The following ADAMTS5 variants were observed in gnomAD, a reference collection of about 807,000 sequenced individuals.
ADAMTS5 encodes A disintegrin and metalloproteinase with thrombospondin motifs 5.
A neutral mutation model predicts 81.4 loss-of-function variants in ADAMTS5; 54 were observed. The ratio of observed to expected loss-of-function variants is 0.66; its 90% CI spans 0.53 to 0.83. The LOEUF is 0.83. ADAMTS5 is among the 40% of genes least tolerant of loss of function. ADAMTS5 has a pLI of 0.00. For missense variants in ADAMTS5, 1,194 were observed against 1,229.9 expected (o/e 0.97, Z 0.44); for synonymous variants, 532 against 508.8 (o/e 1.05, Z -0.61).
At chr21:26,949,199 G>GA (rs1987273396) in intron 2 of ADAMTS5, among the ~76,000 whole-genome samples, 1 of 138,520 alleles carries the variant, frequency 7.2e-6, no homozygotes, top group Admixed American at 7.3e-5. Context: ...ATATATATAT[G>GA]GAGAGAGAGA....
intron 1 of ADAMTS5, among the ~76,000 whole-genome samples, chr21:26,957,149 A>G (rs7283210): frequency 0.1 from 15,473 of 152,228 alleles, 1,191 homozygotes; most frequent in East Asian, 0.29. Flanking sequence ...AACAATGTTC[A>G]TTTCAATGAA....
intron 6 of ADAMTS5, among the ~76,000 whole-genome samples, chr21:26,930,587 G>A (rs2830584): frequency 0.32 from 47,910 of 152,066 alleles, 8,079 homozygotes; most frequent in South Asian, 0.46. Context: ...CCAAATTAGT[G>A]CAGAAAAAGG....
At chr21:26,951,707 A>T (rs1987321013) in intron 2 of ADAMTS5, among the ~76,000 whole-genome samples, 1 of 145,572 alleles carries the variant, frequency 6.9e-6, no homozygotes, top group Non-Finnish European at 1.5e-5. Flanking sequence ...AAAAAAAAAA[A>T]AAAAAAAAAA....
intron 2 of ADAMTS5, among the ~76,000 whole-genome samples, chr21:26,948,137 A>G (rs1987250473): frequency 6.6e-6 from 1 of 152,240 alleles, no homozygotes; most frequent in African/African-American, 2.4e-5. Flanking sequence ...TGGTGTTAGA[A>G]AATCTGTGAT....
rs1277958867 is a variant in ADAMTS5, at chr21:26,921,382, A to C, written c.*2671T>G. On this transcript the variant is annotated 3_prime_UTR_variant, in exon 8 of 8. Coordinates refer to ENST00000284987, the MANE Select transcript of ADAMTS5 (RefSeq NM_007038.5). ...CCCTTTGTACTTAATAAAACTTATT[A>C]TGGAGTGCTTAGTTATGTAAGTGAG... The C allele has an allele frequency of 1.3e-5, 2 of 151,270 alleles. No individual in the cohort carries two copies. The highest frequency in any genetic ancestry group is 6.6e-5 in the Admixed American group (1 of 15,182). The allele number at this position is 151,270 out of a possible 1,614,324, so 9.4% of individuals were successfully genotyped here. A position where few individuals can be genotyped will look rare whatever the true frequency, so the allele number is the denominator to read the frequency against.
At chr21:26,941,104 T>C (rs1327198118) in intron 3 of ADAMTS5, among the ~76,000 whole-genome samples, 4 of 152,112 alleles carry the variant, frequency 2.6e-5, no homozygotes, top group Non-Finnish European at 5.9e-5. Flanking sequence ...TTTATTCATG[T>C]TATAAGCTAC....
chr21:26,936,042 C>A (rs1987008509), intron 3 of ADAMTS5, among the ~76,000 whole-genome samples: 1 of 152,308 alleles, frequency 6.6e-6, no homozygotes, highest in Non-Finnish European at 1.5e-5. Context: ...AGACCAGTTA[C>A]CCAAGGTCAC....
In ADAMTS5 at chr21:26,966,470, G is replaced by C. The variant is rs1568857260; in HGVS notation, c.-79C>G. The stretch of plus-strand genomic sequence containing the variant: ...TATTTGCTATGAAGTTAACGGGGCG[G>C]GGGATGGGGACACACACACACTTGC... On this transcript the variant is annotated 5_prime_UTR_variant, in exon 1 of 8. Coordinates refer to ENST00000284987, the MANE Select transcript of ADAMTS5 (RefSeq NM_007038.5). 1 of 1,344,818 alleles carries C rather than the reference G, an allele frequency of 7.4e-7. No individual in the cohort carries two copies. Among genetic ancestry groups the C allele is most frequent in the Non-Finnish European group, 9.6e-7 (1 of 1,045,280 alleles). The allele number at this position is 1,344,818 out of a possible 1,614,324, so 83.3% of individuals were successfully genotyped here. A position where few individuals can be genotyped will look rare whatever the true frequency, so the allele number is the denominator to read the frequency against.
intron 1 of ADAMTS5, among the ~76,000 whole-genome samples, chr21:26,963,935 C>G (rs893910932): frequency 5.9e-5 from 9 of 152,124 alleles, no homozygotes; most frequent in Non-Finnish European, 2.9e-5. Context: ...TAATGTCCAC[C>G]CTATGAACCA....
Position 26,954,856 on chromosome 21 carries a change from G to C in ADAMTS5, c.1120C>G (p.His374Asp). Residue 374 changes from histidine to aspartate, a missense_variant, in exon 2 of 8, where the codon CAT becomes GAT. Transcript: ENST00000284987. ...LFTREDLCGH[H>D]SCDTLGMADV... ...GCCATTCCCAGGGTGTCACATGAATGATGCCCACATAAATCCTGCCCAGGA... is the reference window on the plus strand; with the variant it reads ...GCCATTCCCAGGGTGTCACATGAATCATGCCCACATAAATCCTGCCCAGGA... 1.2e-6 allele frequency: 2 copies of C among 1,614,012 alleles called. No individual in the cohort carries two copies. Among genetic ancestry groups the C allele is most frequent in the Non-Finnish European group, 1.7e-6 (2 of 1,179,970 alleles).
chr21:26,950,350 A>G, intron 2 of ADAMTS5, among the ~76,000 whole-genome samples: 1 of 151,808 alleles, frequency 6.6e-6, no homozygotes, highest in Admixed American at 6.6e-5. Context: ...CAATAATAAA[A>G]GTTTGACAAG....
At chr21:26,943,309 T>A (rs1028262655) in intron 3 of ADAMTS5, 71 bp downstream of exon 3, 12 of 1,379,826 alleles carry the variant, frequency 8.7e-6, no homozygotes, top group Non-Finnish European at 1.1e-5. Context: ...ATTATGAGGA[T>A]ATAATGAAGT....
rs1987680769 is a variant in ADAMTS5, at chr21:26,966,554, C to T, written c.-163G>A. The T allele has an allele frequency of 3.8e-6, 2 of 525,378 alleles. No individual in the cohort carries two copies. Among genetic ancestry groups the T allele is most frequent in the Admixed American group, 5.8e-5 (1 of 17,264 alleles). The allele number at this position is 525,378 out of a possible 1,614,324, so 32.5% of individuals were successfully genotyped here. On this transcript the variant is annotated 5_prime_UTR_variant, in exon 1 of 8. Transcript: ENST00000284987. ...GGCCCGGCAGCAGCGCCAGCCTGTC[C>T]GGGCTGCGGTGCCAGCGTGCGAACT...
chr21:26,929,234 A>G (rs1601000088), intron 7 of ADAMTS5, among the ~76,000 whole-genome samples: 1 of 152,228 alleles, frequency 6.6e-6, no homozygotes, highest in East Asian at 1.9e-4. Context: ...GTTTGGGAAG[A>G]AAAGCAAGCC....
chr21:26,941,932 A>C (rs1987122083), intron 3 of ADAMTS5, among the ~76,000 whole-genome samples: 1 of 152,096 alleles, frequency 6.6e-6, no homozygotes, highest in Non-Finnish European at 1.5e-5. Flanking sequence ...TAAACATAAA[A>C]TTACCATTGT....
intron 6 of ADAMTS5, 134 bp from the exon 7 acceptor site, chr21:26,930,195 C>T: frequency 1.3e-6 from 1 of 778,376 alleles, no homozygotes; most frequent in Non-Finnish European, 1.9e-6. Context: ...AAAAAAAAGC[C>T]AAAAAAACAT....
At chr21:26,965,205 G>A in intron 1 of ADAMTS5, 83 bp downstream of exon 1, 1 of 1,521,912 alleles carries the variant, frequency 6.6e-7, no homozygotes, top group South Asian at 1.3e-5. Flanking sequence ...AGGTTTGAGG[G>A]AGAAGCAAAG....
rs902079275 is a variant in ADAMTS5 at position 26,920,225 on chromosome 21, G to A, written c.*3828C>T. 1 of 152,050 alleles carries A rather than the reference G, an allele frequency of 6.6e-6. No individual in the cohort carries two copies. Among genetic ancestry groups the A allele is most frequent in the African/African-American group, 2.4e-5 (1 of 41,418 alleles). 9.4% of individuals were successfully genotyped at this position (152,050 alleles called of 1,614,324 possible). A position where few individuals can be genotyped will look rare whatever the true frequency, so the allele number is the denominator to read the frequency against. ...TTGTTAACAAGGAAGGAATCAATGGGGAAATATCACAACCAGAGATTGGCT... is the reference window on the plus strand; with the variant it reads ...TTGTTAACAAGGAAGGAATCAATGGAGAAATATCACAACCAGAGATTGGCT... On this transcript the variant is annotated 3_prime_UTR_variant, in exon 8 of 8. Transcript: ENST00000284987.
chr21:26,954,880 G>C lies in ADAMTS5; in HGVS notation c.1105-9C>G, dbSNP rs964704058. The C allele has an allele frequency of 3.7e-6, 6 of 1,612,980 alleles. No individual in the cohort carries two copies. The African/African-American group carries it at 8.0e-5, about 22-fold the overall frequency. ...TGATGCCCACATAAATCCTGCCCAG[G>C]AGAAAGAAAGAAATCATTAAAATCA... On this transcript the variant is annotated splice_polypyrimidine_tract_variant and intron_variant, in intron 1 of 7. Coordinates refer to ENST00000284987, the MANE Select transcript of ADAMTS5 (RefSeq NM_007038.5).
Sources: gnomAD v4.1 joint callset for allele counts (sites outside exome capture counted in the v4.1 genomes callset) on GRCh38, gnomAD v4.1.1 for gene constraint, MANE v1.5 for transcripts, NCBI Gene and HGNC (gene_info 2026-07-23, HGNC 2026-07-21) for gene names.